The following SPMIP3 variants were observed in gnomAD, a reference collection of about 807,000 sequenced individuals.
The protein encoded by SPMIP3 is sperm microtubule inner protein 3.
the SPMIP3 span, among the ~76,000 whole-genome samples, chr1:244,384,205 G>C: frequency 2.0e-4 from 31 of 152,020 alleles, no homozygotes; most frequent in Non-Finnish European, 1.6e-4. Context: ...AGTGGTTAAA[G>C]TTTTTTTCTT....
the SPMIP3 span, among the ~76,000 whole-genome samples, chr1:244,360,719 T>C: frequency 6.6e-6 from 1 of 151,828 alleles, no homozygotes; most frequent in Admixed American, 6.6e-5. Flanking sequence ...ACCCCATCTC[T>C]ACAAAAATAC....
the SPMIP3 span, among the ~76,000 whole-genome samples, chr1:244,357,998 G>A: frequency 7.2e-5 from 11 of 152,076 alleles, no homozygotes; most frequent in Non-Finnish European, 1.5e-4. Context: ...TGAAGGGGGA[G>A]GATCACTTGA....
the SPMIP3 span, among the ~76,000 whole-genome samples, chr1:244,373,853 C>T: frequency 8.2e-3 from 1,251 of 152,170 alleles, 20 homozygotes; most frequent in African/African-American, 0.028. Flanking sequence ...GTGGCTCATG[C>T]CTGTAATCCC....
chr1:244,364,604 T>C, the SPMIP3 span: 1 of 1,142,850 alleles, frequency 8.8e-7, no homozygotes, highest in African/African-American at 1.5e-5. Flanking sequence ...TCTTTCAAGA[T>C]GGACTTTGTG....
At chr1:244,371,111 C>T in the SPMIP3 span, among the ~76,000 whole-genome samples, 1 of 152,282 alleles carries the variant, frequency 6.6e-6, no homozygotes, top group African/African-American at 2.4e-5. Context: ...TGGCTAAGCC[C>T]AGATCCCACT....
chr1:244,382,008 G>A, the SPMIP3 span, among the ~76,000 whole-genome samples: 14 of 152,238 alleles, frequency 9.2e-5, no homozygotes, highest in Non-Finnish European at 1.5e-4. Flanking sequence ...GCAGTGTGCA[G>A]AGGATTACAC....
the SPMIP3 span, chr1:244,378,461 A>G: frequency 2.9e-5 from 46 of 1,605,086 alleles, no homozygotes; most frequent in African/African-American, 4.3e-4. Flanking sequence ...TTCTATTTCC[A>G]TTTAGACCGC....
chr1:244,383,728 GAC>G, the SPMIP3 span, among the ~76,000 whole-genome samples: 2 of 152,130 alleles, frequency 1.3e-5, no homozygotes, highest in African/African-American at 4.8e-5. Flanking sequence ...GAAGGAGCAT[GAC>G]ATGTTTGAGG....
the SPMIP3 span, among the ~76,000 whole-genome samples, chr1:244,373,713 C>T: frequency 1.3e-5 from 2 of 151,466 alleles, no homozygotes; most frequent in Non-Finnish European, 2.9e-5. Context: ...CAGTTTTTGC[C>T]ATTGAAAGTA....
the SPMIP3 span, chr1:244,378,358 ACT>A: frequency 3.6e-6 from 4 of 1,120,908 alleles, no homozygotes; most frequent in South Asian, 3.1e-5. Context: ...TCTTGTCAAT[ACT>A]CTCTGTTAGC....
chr1:244,388,953 T>C, the SPMIP3 span: 1 of 1,612,124 alleles, frequency 6.2e-7, no homozygotes, highest in Non-Finnish European at 8.5e-7. Context: ...AATTCCAGAT[T>C]GGAACCAGAA....
the SPMIP3 span, among the ~76,000 whole-genome samples, chr1:244,353,970 C>T: frequency 1.3e-5 from 2 of 152,192 alleles, no homozygotes; most frequent in Non-Finnish European, 2.9e-5. Flanking sequence ...GCCTTCTCTG[C>T]ATCCTCAGAT....
At chr1:244,364,997 A>C in the SPMIP3 span, among the ~76,000 whole-genome samples, 1 of 152,242 alleles carries the variant, frequency 6.6e-6, no homozygotes, top group South Asian at 2.1e-4. Context: ...GAAATATTTA[A>C]CAGGGACTTA....
the SPMIP3 span, among the ~76,000 whole-genome samples, chr1:244,363,428 G>A: frequency 6.9e-6 from 1 of 145,554 alleles, no homozygotes; most frequent in Non-Finnish European, 1.5e-5. Context: ...ACAATCAGAT[G>A]TGATATGAAA....
the SPMIP3 span, among the ~76,000 whole-genome samples, chr1:244,367,939 T>A: frequency 1.3e-5 from 2 of 152,204 alleles, no homozygotes; most frequent in East Asian, 3.9e-4. Flanking sequence ...AGGAAAGGTT[T>A]TTGGTTTTTT....
chr1:244,358,374 A>G, the SPMIP3 span, among the ~76,000 whole-genome samples: 23 of 152,194 alleles, frequency 1.5e-4, no homozygotes, highest in African/African-American at 5.1e-4. Flanking sequence ...ACTTGAGGTC[A>G]GAAGTTCGAG....
chr1:244,355,565 T>G, the SPMIP3 span, among the ~76,000 whole-genome samples: 1 of 152,128 alleles, frequency 6.6e-6, no homozygotes, highest in African/African-American at 2.4e-5. Flanking sequence ...TTTTTGTGTT[T>G]TTAGTAGAGA....
the SPMIP3 span, among the ~76,000 whole-genome samples, chr1:244,376,729 A>G: frequency 6.6e-6 from 1 of 152,240 alleles, no homozygotes; most frequent in Non-Finnish European, 1.5e-5. Context: ...AATTCAATGC[A>G]TAATTCAATT....
the SPMIP3 span, among the ~76,000 whole-genome samples, chr1:244,356,970 TGGATTGCA>T: frequency 6.9e-6 from 1 of 144,200 alleles, no homozygotes. Context: ...TAACCCAGGC[TGGATTGCA>T]GTGGCATCAT....
Sources: allele counts gnomAD v4.1 joint callset (sites outside exome capture counted in the v4.1 genomes callset), GRCh38; gene constraint gnomAD v4.1.1; transcripts MANE v1.5; gene names NCBI Gene and HGNC (gene_info 2026-07-23, HGNC 2026-07-21).